The following SNX31 variants were observed in gnomAD, a reference collection of about 807,000 sequenced individuals.
The protein encoded by SNX31 is sorting nexin 31.
A neutral mutation model predicts 65.4 loss-of-function variants in SNX31; 58 were observed. That is an observed-to-expected ratio of 0.89 (90% CI 0.72 to 1.10). SNX31 has a LOEUF of 1.10. SNX31 is among the 50% of genes least tolerant of loss of function. The pLI is 0.00. For synonymous variants in SNX31, 181 were observed against 190.1 expected (o/e 0.95, Z 0.39); for missense variants, 523 against 529.7 (o/e 0.99, Z 0.12).
chr8:100,654,948 G>A (rs1271087547), intron 1 of SNX31, among the ~76,000 whole-genome samples: 1 of 152,198 alleles, frequency 6.6e-6, no homozygotes, highest in Admixed American at 6.5e-5. Flanking sequence ...AGGAGGCAGA[G>A]GTTGCAGTAA....
At chr8:100,657,686 C>G in intron 1 of SNX31, 5 of 455,800 alleles carry the variant, frequency 1.1e-5, no homozygotes, top group South Asian at 7.7e-5. Context: ...ATTGGGAATA[C>G]AGGTGAAGAT....
chr8:100,649,459 C>A lies in SNX31; in HGVS notation c.56G>T (p.Gly19Val), dbSNP rs774633127. 6.3e-7 allele frequency: 1 copy of A among 1,577,284 alleles called. No individual in the cohort carries two copies. The highest frequency in any genetic ancestry group is 1.1e-5 in the South Asian group (1 of 87,108). ...VSQQRSDALG[G>V]RYVLYSVHLD... ...CAGCCCTGGGCGCACCACGTAGCGG[C>A]CCCCCAGCGCGTCGGACCGCTGCTG... is the stretch of plus-strand genomic sequence containing the variant. The change falls in exon 1 of 14, where the codon GGC becomes GTC. Residue 19 changes from glycine (G) to valine (V), a missense_variant. Coordinates refer to ENST00000311812, the MANE Select transcript of SNX31 (RefSeq NM_152628.4).
At chr8:100,616,597 C>T (rs1817224968) in intron 5 of SNX31, among the ~76,000 whole-genome samples, 1 of 152,104 alleles carries the variant, frequency 6.6e-6, no homozygotes, top group Non-Finnish European at 1.5e-5. Context: ...AGAAGATTAG[C>T]AAGACTGGAA....
Position 100,626,295 on chromosome 8 carries a change from CA to C in SNX31, c.321+4031del, listed in dbSNP as rs963594719. ...TTTTACAGATGGGGAAACTGAGGTA[CA>C]AAAAGCCTAAGTAAATTGACCCAAG... On this transcript the variant is annotated intron_variant, in intron 4 of 13. Transcript: ENST00000311812. The surrounding 1 kb of genome is among the most constrained non-coding windows in gnomAD (Gnocchi z 4.4). Among the ~76,000 whole-genome samples the C allele has an allele frequency of 2.0e-5, 3 of 152,116 alleles. No homozygotes were observed. The highest frequency in any genetic ancestry group is 7.2e-5 in the African/African-American group (3 of 41,418).
chr8:100,656,159 T>G (rs925797572), intron 1 of SNX31, among the ~76,000 whole-genome samples: 2 of 152,168 alleles, frequency 1.3e-5, no homozygotes, highest in African/African-American at 2.4e-5. Context: ...GGAATGGCTG[T>G]CAACAGAAGA....
At chr8:100,658,525 A>G (rs1809708956) in intron 1 of SNX31, among the ~76,000 whole-genome samples, 1 of 152,240 alleles carries the variant, frequency 6.6e-6, no homozygotes, top group South Asian at 2.1e-4. Context: ...TGTGTCAGAC[A>G]CTACTCAGGG....
Position 100,648,464 on chromosome 8 carries a change from A to G in SNX31, c.141+810T>C, listed in dbSNP as rs1819798205. Among the ~76,000 whole-genome samples the G allele has an allele frequency of 6.6e-6, 1 of 152,006 alleles. No individual in the cohort carries two copies. The highest frequency in any genetic ancestry group is 6.6e-5 in the Admixed American group (1 of 15,258). ...AAGCATGAGCCACGGTGCCTGGCCT[A>G]TACTTTTGTTTTTAATGTTAGGTAT... On this transcript the variant is annotated intron_variant, in intron 2 of 13. Transcript: ENST00000311812. The surrounding 1 kb of genome is among the most constrained non-coding windows in gnomAD (Gnocchi z 4.3).
intron 12 of SNX31, among the ~76,000 whole-genome samples, chr8:100,581,311 T>TTATATATATATATATA (rs1554570412): frequency 8.1e-6 from 1 of 122,718 alleles, no homozygotes; most frequent in African/African-American, 4.7e-5. Flanking sequence ...AAAAAATTTT[T>TTATATATATATATATA]TATATATCTA....
intron 9 of SNX31, among the ~76,000 whole-genome samples, chr8:100,597,469 C>T (rs1815219923): frequency 6.6e-6 from 1 of 152,068 alleles, no homozygotes; most frequent in African/African-American, 2.4e-5. Context: ...CTTGATCTCC[C>T]GACCTTGTCG....
At position 100,661,075 on chromosome 8, in the gene SNX31, G is replaced by A. The variant is rs542552238; in HGVS notation, c.-58+2067C>T. Among the ~76,000 whole-genome samples the A allele has an allele frequency of 4.1e-5, 6 of 147,336 alleles. No individual in the cohort carries two copies. In the East Asian group the frequency reaches 1.2e-3, roughly 30 times the overall value. On this transcript the variant is annotated intron_variant, in intron 1 of 5. Coordinates refer to the SNX31 transcript ENST00000520352. ...GGCTGGAGTGCAGTGGCGTGATCTC[G>A]GCTCACTGCAACCTCCGCCTCCCAG...
chr8:100,652,851 G>C (rs545352075), upstream of SNX31, among the ~76,000 whole-genome samples: 1 of 152,032 alleles, frequency 6.6e-6, no homozygotes, highest in Non-Finnish European at 1.5e-5. Flanking sequence ...ACACCAGAGG[G>C]GCCCAGCCAA....
Position 100,613,130 on chromosome 8 carries a change from AC to A in SNX31, c.433-46del. On this transcript the variant is annotated intron_variant, in intron 5 of 13. Transcript: ENST00000311812. The surrounding 1 kb of genome is among the most constrained non-coding windows in gnomAD (Gnocchi z 5.2). ...GAAAGGGAAAAAGTTAGGTGTGCCC[AC>A]CATGCATCCTAACTGTGACATGCAG... 6.8e-7 allele frequency: 1 copy of A among 1,463,542 alleles called. No homozygotes were observed. The highest frequency in any genetic ancestry group is 9.6e-7 in the Non-Finnish European group (1 of 1,043,374). 90.7% of individuals were successfully genotyped at this position (1,463,542 alleles called of 1,614,324 possible). A position where few individuals can be genotyped will look rare whatever the true frequency, so the allele number is the denominator to read the frequency against.
rs1287960294 is a variant in SNX31 at position 100,588,170 on chromosome 8, C to T, written c.1092+696G>A. On this transcript the variant is annotated intron_variant, in intron 11 of 13. Coordinates refer to ENST00000311812, the MANE Select transcript of SNX31 (RefSeq NM_152628.4). The surrounding 1 kb of genome is among the most constrained non-coding windows in gnomAD (Gnocchi z 4.8). ...AATACTGAGTTATAAACTTATGGGA[C>T]CACTGCCATATATACAGACTGTCAT... 1.3e-5 allele frequency among the ~76,000 whole-genome samples: 2 copies of T among 151,822 alleles called. No individual in the cohort carries two copies. The highest frequency in any genetic ancestry group is 2.9e-5 in the Non-Finnish European group (2 of 67,958).
intron 2 of SNX31, among the ~76,000 whole-genome samples, chr8:100,642,592 G>C (rs1819333891): frequency 1.3e-5 from 2 of 152,124 alleles, no homozygotes; most frequent in Admixed American, 1.3e-4. Context: ...CTGACCTAAG[G>C]GGGACAATGA....
At chr8:100,608,285 C>T (rs1323764187) in intron 8 of SNX31, among the ~76,000 whole-genome samples, 1 of 151,844 alleles carries the variant, frequency 6.6e-6, no homozygotes, top group Non-Finnish European at 1.5e-5. Context: ...TTATCATCCC[C>T]CAACAAAAAC....
rs1473178789 is a variant in SNX31, at chr8:100,628,284, C to T, written c.321+2043G>A. Among the ~76,000 whole-genome samples, 7 of 152,242 alleles carry T rather than the reference C, an allele frequency of 4.6e-5. No homozygotes were observed. The South Asian group carries it at 1.2e-3, about 27-fold the overall frequency. ...TAAATCATGCTGCTATAAAGACACA[C>T]ACACACATATGTTTATTGCGGCACT... On this transcript the variant is annotated intron_variant, in intron 4 of 13. Coordinates refer to ENST00000311812, the MANE Select transcript of SNX31 (RefSeq NM_152628.4).
At chr8:100,638,294 T>C (rs973233469) in intron 2 of SNX31, among the ~76,000 whole-genome samples, 10 of 152,258 alleles carry the variant, frequency 6.6e-5, no homozygotes, top group African/African-American at 2.4e-4. Context: ...ATTAGCCACC[T>C]GTGAGTAAAT....
In SNX31 at chr8:100,588,784, A is replaced by T; in HGVS notation, c.1092+82T>A. ...TTTAGGGTCCTGCTCTAGTTGGGTT[A>T]GGGTCATGTGCTTCATCCACCCCAG... On this transcript the variant is annotated intron_variant, in intron 11 of 13. Transcript: ENST00000311812. The surrounding 1 kb of genome is among the most constrained non-coding windows in gnomAD (Gnocchi z 4.8). The T allele has an allele frequency of 1.0e-6, 1 of 962,182 alleles. No individual in the cohort carries two copies. The highest frequency in any genetic ancestry group is 1.7e-6 in the Non-Finnish European group (1 of 601,908). The allele number at this position is 962,182 out of a possible 1,614,324, so 59.6% of individuals were successfully genotyped here. A position where few individuals can be genotyped will look rare whatever the true frequency, so the allele number is the denominator to read the frequency against.
chr8:100,646,703 A>G lies in SNX31; in HGVS notation c.141+2571T>C, dbSNP rs1401229168. Reference sequence around the variant, plus strand: ...GCAAAAAAAAATTTTAACCTCGATCATGGTGGTGGTAATTGTATACATTTA... The same window carrying G: ...GCAAAAAAAAATTTTAACCTCGATCGTGGTGGTGGTAATTGTATACATTTA... On this transcript the variant is annotated intron_variant, in intron 2 of 13. Coordinates refer to ENST00000311812, the MANE Select transcript of SNX31 (RefSeq NM_152628.4). Among the ~76,000 whole-genome samples, 3 of 152,206 alleles carry G rather than the reference A, an allele frequency of 2.0e-5. No homozygotes were observed. In the East Asian group the frequency reaches 5.8e-4, roughly 29 times the overall value.
Sources: allele counts gnomAD v4.1 joint callset (sites outside exome capture counted in the v4.1 genomes callset), GRCh38; gene constraint gnomAD v4.1.1; non-coding constraint Gnocchi (gnomAD v3.1); transcripts MANE v1.5; gene names NCBI Gene and HGNC (gene_info 2026-07-23, HGNC 2026-07-21).